Variants in UBE2V1 observed in about 807,000 individuals in gnomAD.
The protein encoded by UBE2V1 is ubiquitin-conjugating enzyme E2 variant 1.
UBE2V1 carries 15 observed loss-of-function variants against 19.6 expected under a neutral mutation model. The observed-to-expected ratio is 0.77, with a 90% CI of 0.51 to 1.18. The LOEUF is 1.18. Among genes scored for constraint, UBE2V1 ranks in the 50% most tolerant of loss-of-function variants. The probability of loss-of-function intolerance (pLI) is 0.00; values close to 1 mark genes in which losing one functional copy is unlikely to be tolerated. For synonymous variants in UBE2V1, 60 were observed against 60.7 expected (o/e 0.99, Z 0.05); for missense variants, 125 against 184.8 (o/e 0.68, Z 1.88).
At chr20:50,094,217 CAT>C (rs1284323876) in intron 2 of UBE2V1, among the ~76,000 whole-genome samples, 16 of 56,088 alleles carry the variant, frequency 2.9e-4, no homozygotes, top group African/African-American at 5.4e-4. Flanking sequence ...TAATATATAA[CAT>C]ATGCATTATA....
intron 2 of UBE2V1, among the ~76,000 whole-genome samples, chr20:50,092,268 G>A (rs1429269928): frequency 6.6e-6 from 1 of 152,158 alleles, no homozygotes; most frequent in Non-Finnish European, 1.5e-5. Context: ...ACTGCCGTGA[G>A]CTGAAATCAC....
At chr20:50,111,429 C>T (rs1325314014) in intron 1 of UBE2V1, 6 of 1,000,178 alleles carry the variant, frequency 6.0e-6, no homozygotes, top group Non-Finnish European at 7.2e-6. Context: ...TGGGCCCCTT[C>T]GTTTATTACG....
chr20:50,084,049 C>T, intron 3 of UBE2V1, 80 bp downstream of exon 3: 1 of 1,512,652 alleles, frequency 6.6e-7, no homozygotes, highest in Non-Finnish European at 8.8e-7. Flanking sequence ...AGGAATTGGG[C>T]CCAGTCTAAA....
chr20:50,115,919 T>A (rs185632114), upstream of UBE2V1: 79 of 180,980 alleles, frequency 4.4e-4, no homozygotes, highest in African/African-American at 1.7e-3. Flanking sequence ...ACAATAATAA[T>A]TCCCGTGCCG....
rs751820792 is a variant in UBE2V1 at position 50,082,783 on chromosome 20, C to T, written c.429G>A (p.Gln143=). 3.7e-6 allele frequency: 6 copies of T among 1,612,520 alleles called. No individual in the cohort carries two copies. The Admixed American group carries it at 5.0e-5, about 13-fold the overall frequency. The part of the protein sequence containing the change: ...NMKLPQPPEG[Q]CYSN ...TTCTTTTTGATTAATTGCTGTAACA[C>T]TGTCCTTCGGGCGGCTGAGGGAGTT... is the stretch of plus-strand genomic sequence containing the variant. Residue 143 remains glutamine, a synonymous_variant, in exon 4 of 4, where the codon CAG becomes CAA. Coordinates refer to ENST00000371674, the MANE Select transcript of UBE2V1 (RefSeq NM_001032288.3).
chr20:50,115,768 A>G, upstream of UBE2V1: 1 of 569,010 alleles, frequency 1.8e-6, no homozygotes, highest in Non-Finnish European at 2.6e-6. Context: ...CCCCATTTTT[A>G]GAGATGAGAA....
intron 2 of UBE2V1, among the ~76,000 whole-genome samples, chr20:50,089,456 G>C (rs941166697): frequency 1.3e-5 from 2 of 152,208 alleles, no homozygotes; most frequent in Non-Finnish European, 2.9e-5. Context: ...ACTGGATACA[G>C]CAAATCCCTT....
chr20:50,115,524 C>T, upstream of UBE2V1: 1 of 1,596,180 alleles, frequency 6.3e-7, no homozygotes, highest in Non-Finnish European at 8.6e-7. Flanking sequence ...CTTCCTTCAT[C>T]ACTCAGTTTG....
intron 2 of UBE2V1, among the ~76,000 whole-genome samples, chr20:50,085,472 T>C (rs1459843921): frequency 3.3e-5 from 5 of 152,108 alleles, no homozygotes; most frequent in Non-Finnish European, 7.4e-5. Flanking sequence ...AAGGGTGATG[T>C]CTCCCAGTAA....
rs938162371 is a variant in UBE2V1, at chr20:50,084,316, C to T, written c.172-62G>A. 1.6e-5 allele frequency: 26 copies of T among 1,608,352 alleles called. No individual in the cohort carries two copies. In the African/African-American group the frequency reaches 3.3e-4, roughly 21 times the overall value. On this transcript the variant is annotated intron_variant, in intron 2 of 3. Transcript: ENST00000371674. ...AAACAAAGCATTCAAAAAGGTAGAG[C>T]TTGTGAAACCCCATTTATCCCTGAC...
chr20:50,112,757 A>C (rs2080844746), intron 1 of UBE2V1, among the ~76,000 whole-genome samples: 1 of 151,892 alleles, frequency 6.6e-6, no homozygotes. Flanking sequence ...CCTCTAGGGG[A>C]CCTCTAGATC....
intron 1 of UBE2V1, chr20:50,108,957 A>G: frequency 1.0e-6 from 1 of 985,436 alleles, no homozygotes; most frequent in Non-Finnish European, 1.2e-6. Flanking sequence ...GGAAGAACAT[A>G]TCCCTAAATC....
rs1568957515 is a variant in UBE2V1 at position 50,081,356 on chromosome 20, A to C, written c.*1412T>G. 6.6e-6 allele frequency: 1 copy of C among 152,470 alleles called. No homozygotes were observed. Among genetic ancestry groups the C allele is most frequent in the African/African-American group, 2.4e-5 (1 of 41,392 alleles). 9.4% of individuals were successfully genotyped at this position (152,470 alleles called of 1,614,324 possible). On this transcript the variant is annotated 3_prime_UTR_variant, in exon 4 of 4. Transcript: ENST00000371674. Reference sequence around the variant, plus strand: ...ACACAAATACTAAATTAAAAAAAAAAAAAAAACCTTTAGTACACAATGAAT... The same window carrying C: ...ACACAAATACTAAATTAAAAAAAAACAAAAAACCTTTAGTACACAATGAAT...
intron 3 of UBE2V1, 144 bp downstream of exon 3, chr20:50,083,985 A>G: frequency 7.6e-7 from 1 of 1,319,170 alleles, no homozygotes; most frequent in Non-Finnish European, 1.0e-6. Context: ...CCCATCCCAA[A>G]TCTGTGCTCC....
intron 2 of UBE2V1, among the ~76,000 whole-genome samples, chr20:50,094,512 G>A (rs1395168757): frequency 6.6e-6 from 1 of 151,644 alleles, no homozygotes; most frequent in Non-Finnish European, 1.5e-5. Context: ...ACAAAATATG[G>A]CGTATCTGTA....
At chr20:50,091,583 G>A (rs373369813) in intron 2 of UBE2V1, among the ~76,000 whole-genome samples, 6 of 151,782 alleles carry the variant, frequency 4.0e-5, no homozygotes, top group Admixed American at 2.0e-4. Flanking sequence ...AGTAGCGACC[G>A]GGTTTCGCCA....
At position 50,102,469 on chromosome 20, in the gene UBE2V1, G is replaced by A. The variant is rs534292536; in HGVS notation, c.23-5649C>T. 2.0e-4 allele frequency among the ~76,000 whole-genome samples: 30 copies of A among 152,224 alleles called. No homozygotes were observed. The South Asian group carries it at 5.6e-3, about 28-fold the overall frequency. ...GGTGTCATGACCCAGAATCACTAAC[G>A]TAAGGATACCTGGTCTACCACTCTG... On this transcript the variant is annotated intron_variant, in intron 1 of 3. Coordinates refer to ENST00000371674, the MANE Select transcript of UBE2V1 (RefSeq NM_001032288.3).
chr20:50,106,070 A>G (rs1170168267), intron 1 of UBE2V1, among the ~76,000 whole-genome samples: 1 of 152,234 alleles, frequency 6.6e-6, no homozygotes, highest in African/African-American at 2.4e-5. Context: ...AGTATAATCA[A>G]ATAGACTATG....
intron 2 of UBE2V1, among the ~76,000 whole-genome samples, chr20:50,087,435 A>T (rs1248700435): frequency 2.0e-5 from 3 of 149,166 alleles, no homozygotes; most frequent in Non-Finnish European, 4.4e-5. Context: ...TTTAATAGAA[A>T]CCAGGGTTAC....
Sources: gnomAD v4.1 joint callset for allele counts (sites outside exome capture counted in the v4.1 genomes callset) on GRCh38, gnomAD v4.1.1 for gene constraint, MANE v1.5 for transcripts, NCBI Gene and HGNC (gene_info 2026-07-23, HGNC 2026-07-21) for gene names.